The following SYT12 variants were observed in gnomAD, a reference collection of about 807,000 sequenced individuals.
SYT12 encodes synaptotagmin-12.
Under a neutral mutation model 39.5 loss-of-function variants are expected in SYT12, and 27 were observed. The ratio of observed to expected loss-of-function variants is 0.68; its 90% CI spans 0.50 to 0.94. The LOEUF (loss-of-function observed/expected upper bound fraction) is 0.94. Among genes scored for constraint, SYT12 ranks in the 40% least tolerant of loss-of-function variants. SYT12 has a pLI of 0.00. For synonymous variants in SYT12, 233 were observed against 239.7 expected, an observed-to-expected ratio of 0.97 and a Z score of 0.26; for missense variants, 536 against 572.6, an observed-to-expected ratio of 0.94 and a Z score of 0.65.
chr11:67,020,215 C>T (rs139084830), upstream of SYT12, among the ~76,000 whole-genome samples: 271 of 152,192 alleles, frequency 1.8e-3, 2 homozygotes, highest in African/African-American at 6.3e-3. Context: ...TTGGTGAGAG[C>T]AGGGAAAACA....
In SYT12 at chr11:67,023,189, T is replaced by A. The variant is rs1950132036; in HGVS notation, c.-295T>A. 1.3e-5 allele frequency among the ~76,000 whole-genome samples: 2 copies of A among 152,116 alleles called. No homozygotes were observed. Among genetic ancestry groups the A allele is most frequent in the South Asian group, 4.1e-4 (2 of 4,832 alleles). ...AGCGCTCGAGCTTGTCACTTTAAAT[T>A]CAAGAGGGAGCGGGCGGGCAAGCGG... is the stretch of plus-strand genomic sequence containing the variant. On this transcript the variant is annotated 5_prime_UTR_variant, in exon 1 of 8. Coordinates refer to ENST00000527043, the MANE Select transcript of SYT12 (RefSeq NM_177963.4).
chr11:67,029,905 C>T (rs907467169), intron 1 of SYT12: 1 of 500,670 alleles, frequency 2.0e-6, no homozygotes, highest in Non-Finnish European at 3.5e-6. Flanking sequence ...ACTGGGCATC[C>T]TGTGTTTTAT....
chr11:67,020,011 T>G (rs1950093275), upstream of SYT12, among the ~76,000 whole-genome samples: 2 of 151,944 alleles, frequency 1.3e-5, no homozygotes, highest in African/African-American at 4.8e-5. Context: ...TGTCACTGAC[T>G]CCACGCACAG....
intron 3 of SYT12, 131 bp downstream of exon 3, chr11:67,034,969 G>T: frequency 2.9e-5 from 12 of 418,074 alleles, no homozygotes; most frequent in Non-Finnish European, 4.5e-5. Context: ...TGAAAGGGGA[G>T]TAGACCTCCC....
chr11:67,039,399 G>A (rs1442436183), intron 3 of SYT12, among the ~76,000 whole-genome samples: 1 of 152,106 alleles, frequency 6.6e-6, no homozygotes, highest in Non-Finnish European at 1.5e-5. Flanking sequence ...CAGATCACCT[G>A]AGATTGGGAG....
At chr11:67,013,989 A>G (rs1457676454) in intron 3 of SYT12, among the ~76,000 whole-genome samples, 7 of 152,122 alleles carry the variant, frequency 4.6e-5, no homozygotes, top group Non-Finnish European at 1.0e-4. Context: ...TGAGGGTTTC[A>G]TAACTCCAGC....
chr11:67,041,980 T>C (rs1009514366), intron 4 of SYT12, among the ~76,000 whole-genome samples: 5 of 152,130 alleles, frequency 3.3e-5, no homozygotes, highest in Non-Finnish European at 7.3e-5. Context: ...GAGCCACATC[T>C]GGGCTGAAGG....
At chr11:67,019,669 G>C (rs977670813), upstream of SYT12, among the ~76,000 whole-genome samples, 2 of 152,044 alleles carry the variant, frequency 1.3e-5, no homozygotes, top group Admixed American at 6.6e-5. Flanking sequence ...GGCCGAGGAG[G>C]GGGGAATCAC....
chr11:67,047,100 G>A (rs1854579752), intron 7 of SYT12, among the ~76,000 whole-genome samples: 1 of 151,906 alleles, frequency 6.6e-6, no homozygotes, highest in South Asian at 2.1e-4. Context: ...GAGTAGCTGG[G>A]ATTACAGGCA....
intron 1 of SYT12, among the ~76,000 whole-genome samples, chr11:67,007,955 C>A (rs1949984281): frequency 7.3e-6 from 1 of 137,140 alleles, no homozygotes; most frequent in Non-Finnish European, 1.6e-5. Context: ...GAAGCCCTAA[C>A]TTTTTTTTTT....
chr11:67,013,014 G>T (rs1214339961), intron 3 of SYT12, among the ~76,000 whole-genome samples: 2 of 152,176 alleles, frequency 1.3e-5, no homozygotes, highest in African/African-American at 2.4e-5. Flanking sequence ...CTGAGTTCCA[G>T]ATCTCCAGGA....
intron 2 of SYT12, 84 bp downstream of exon 2, chr11:67,030,262 G>A: frequency 6.8e-7 from 1 of 1,478,680 alleles, no homozygotes; most frequent in Non-Finnish European, 9.4e-7. Context: ...TGTGGGACAT[G>A]AATAATTAGT....
Position 67,043,743 on chromosome 11 carries a change from G to C in SYT12, c.727G>C (p.Asp243His). Residue 243 changes from aspartate to histidine, a missense_variant, in exon 5 of 8, where the codon GAT (aspartate) becomes CAT (histidine). Coordinates refer to ENST00000527043, the MANE Select transcript of SYT12 (RefSeq NM_177963.4). ...KSLRFSVFGI[D>H]EDERNVSTGV... ...CCTGCGGTTTTCTGTATTTGGCATC[G>C]ATGAGGATGAGCGCAACGTCAGCAC... 6.2e-7 allele frequency: 1 copy of C among 1,614,118 alleles called. No individual in the cohort carries two copies. The highest frequency in any genetic ancestry group is 8.5e-7 in the Non-Finnish European group (1 of 1,180,044).
chr11:67,017,635 C>T (rs1353183564), intron 3 of SYT12, among the ~76,000 whole-genome samples: 2 of 148,478 alleles, frequency 1.3e-5, no homozygotes, highest in Non-Finnish European at 3.0e-5. Context: ...GCTGGTATTA[C>T]AGGAGTGAGC....
intron 6 of SYT12, 127 bp from the exon 7 acceptor site, chr11:67,045,617 C>T (rs778711611): frequency 7.8e-7 from 1 of 1,277,060 alleles, no homozygotes; most frequent in Non-Finnish European, 1.1e-6. Context: ...GGACCAATGG[C>T]AGGGCTGCAG....
intron 1 of SYT12, chr11:67,028,141 A>G (rs1950207032): frequency 6.6e-6 from 1 of 152,244 alleles, no homozygotes; most frequent in African/African-American, 2.4e-5. Context: ...TCTCACCCGC[A>G]AACCAGAGAT....
rs1565337204 is a variant in SYT12 at position 67,035,795 on chromosome 11, TTCCTTCCTTCCTTCCTTC to T, written c.228+958_228+975del. Among the ~76,000 whole-genome samples, 106 of 42,742 alleles carry T rather than the reference TTCCTTCCTTCCTTCCTTC, an allele frequency of 2.5e-3. 1 individual carries two copies. Among genetic ancestry groups the T allele is most frequent in the African/African-American group, 9.4e-3 (93 of 9,872 alleles). 28.0% of individuals were successfully genotyped at this position (42,742 alleles called of 152,430 possible). On this transcript the variant is annotated intron_variant, in intron 3 of 7. Coordinates refer to ENST00000527043, the MANE Select transcript of SYT12 (RefSeq NM_177963.4). ...TTTTCTTTTCTTTTCTTTTCTTTCC[TTCCTTCCTTCCTTCCTTC>T]CTTCCTTCCTTCCTTCCTTCCTTCC...
chr11:67,013,410 T>A (rs1389929943), intron 3 of SYT12, among the ~76,000 whole-genome samples: 2 of 152,086 alleles, frequency 1.3e-5, no homozygotes, highest in African/African-American at 4.8e-5. Context: ...GGTTGCACCT[T>A]CTCCCCTTTC....
In SYT12 at chr11:67,045,556, G is replaced by A. The variant is rs142241778; in HGVS notation, c.959-188G>A. The A allele has an allele frequency of 1.5e-4, 117 of 803,698 alleles. No homozygotes were observed. The Middle Eastern group carries it at 1.9e-3, about 13-fold the overall frequency. The allele number at this position is 803,698 out of a possible 1,614,324, so 49.8% of individuals were successfully genotyped here. On this transcript the variant is annotated intron_variant, in intron 6 of 7. Transcript: ENST00000527043. ...GCACAAAGCCCAGCCCTCACCTGAC[G>A]TGCTGTGTGAGCCTCAGTTTTCTCA...
Sources: allele counts gnomAD v4.1 joint callset (sites outside exome capture counted in the v4.1 genomes callset), GRCh38; gene constraint gnomAD v4.1.1; transcripts MANE v1.5; gene names NCBI Gene and HGNC (gene_info 2026-07-23, HGNC 2026-07-21).